Variants in CDK17 observed in about 807,000 individuals in gnomAD.
CDK17 encodes the protein cyclin-dependent kinase 17.
CDK17 carries 24 observed loss-of-function variants against 77.6 expected under a neutral mutation model. The ratio of observed to expected loss-of-function variants is 0.31; its 90% CI spans 0.22 to 0.44. The LOEUF is 0.44. Ranked by LOEUF, CDK17 falls within the 20% of genes least tolerant of loss-of-function variation. CDK17 has a pLI of 1.00. For synonymous variants in CDK17, 203 were observed against 210.4 expected, an observed-to-expected ratio of 0.96 and a Z score of 0.30; for missense variants, 429 against 622.5, an observed-to-expected ratio of 0.69 and a Z score of 3.31.
chr12:96,319,913 C>T (rs555620005), intron 3 of CDK17, among the ~76,000 whole-genome samples: 38 of 147,842 alleles, frequency 2.6e-4, no homozygotes, highest in African/African-American at 8.1e-4. Flanking sequence ...CTTCTCTCAC[C>T]GCTCCTATTC....
chr12:96,297,733 A>G lies in CDK17; in HGVS notation c.716-12T>C. 7.0e-7 allele frequency: 1 copy of G among 1,424,452 alleles called. No homozygotes were observed. The highest frequency in any genetic ancestry group is 9.8e-7 in the Non-Finnish European group (1 of 1,017,010). The allele number at this position is 1,424,452 out of a possible 1,614,324, so 88.2% of individuals were successfully genotyped here. A position where few individuals can be genotyped will look rare whatever the true frequency, so the allele number is the denominator to read the frequency against. Reference sequence around the variant, plus strand: ...CTTTAATAGTGAAACTGCAAAACAGAAAAAGAAAATTGTTTAGTCTGTGGC... The same window carrying G: ...CTTTAATAGTGAAACTGCAAAACAGGAAAAGAAAATTGTTTAGTCTGTGGC... On this transcript the variant is annotated splice_polypyrimidine_tract_variant and intron_variant, in intron 7 of 16. Transcript: ENST00000261211.
intron 1 of CDK17, among the ~76,000 whole-genome samples, chr12:96,384,403 T>G (rs973316696): frequency 6.6e-6 from 1 of 152,224 alleles, no homozygotes; most frequent in African/African-American, 2.4e-5. Context: ...ATCCCATTAC[T>G]GGGTATATAC....
chr12:96,366,430 C>T (rs1953583623), intron 1 of CDK17, among the ~76,000 whole-genome samples: 4 of 152,084 alleles, frequency 2.6e-5, no homozygotes, highest in Admixed American at 1.3e-4. Flanking sequence ...AAATCACAGC[C>T]GCTATCATAT....
At chr12:96,347,610 GGGGAAGGGAGGGGAA>G (rs1232122523) in intron 1 of CDK17, among the ~76,000 whole-genome samples, 3 of 35,612 alleles carry the variant, frequency 8.4e-5, no homozygotes, top group East Asian at 1.3e-3. Context: ...GGGGAAGGGA[GGGGAAGGGAGGGGAA>G]GGGAGGGGAG....
At chr12:96,365,949 G>A (rs1953577064) in intron 1 of CDK17, among the ~76,000 whole-genome samples, 2 of 152,146 alleles carry the variant, frequency 1.3e-5, no homozygotes, top group Non-Finnish European at 2.9e-5. Context: ...ACTTCTACAG[G>A]AGACCTATAA....
At position 96,279,158 on chromosome 12, in the gene CDK17, T is replaced by C. The variant is rs1245624032; in HGVS notation, c.*1084A>G. 6.6e-6 allele frequency: 1 copy of C among 152,352 alleles called. No homozygotes were observed. The highest frequency in any genetic ancestry group is 1.9e-4 in the East Asian group (1 of 5,196). The allele number at this position is 152,352 out of a possible 1,614,324, so 9.4% of individuals were successfully genotyped here. A position where few individuals can be genotyped will look rare whatever the true frequency, so the allele number is the denominator to read the frequency against. Reference sequence around the variant, plus strand: ...TTATGATGTTCAAAGAGATGCATAATTAAAACTAATATTTAGTATCTCTGG... The same window carrying C: ...TTATGATGTTCAAAGAGATGCATAACTAAAACTAATATTTAGTATCTCTGG... On this transcript the variant is annotated 3_prime_UTR_variant, in exon 17 of 17. Coordinates refer to ENST00000261211, the MANE Select transcript of CDK17 (RefSeq NM_002595.5).
chr12:96,352,585 C>A (rs999613100), intron 1 of CDK17, among the ~76,000 whole-genome samples: 3 of 152,154 alleles, frequency 2.0e-5, no homozygotes, highest in Non-Finnish European at 4.4e-5. Context: ...CCTGCCTTCA[C>A]AACATCTGAT....
intron 1 of CDK17, among the ~76,000 whole-genome samples, chr12:96,392,902 T>C (rs943344408): frequency 5.1e-4 from 77 of 152,348 alleles, no homozygotes; most frequent in Non-Finnish European, 2.9e-5. Flanking sequence ...ATTGCTGTTA[T>C]CTTATATGTT....
chr12:96,283,255 G>T (rs575137120), intron 14 of CDK17, among the ~76,000 whole-genome samples: 2 of 152,230 alleles, frequency 1.3e-5, no homozygotes, highest in African/African-American at 4.8e-5. Context: ...CTGCTTTGGA[G>T]GGAAATATGA....
intron 2 of CDK17, among the ~76,000 whole-genome samples, chr12:96,328,839 T>C (rs1263360611): frequency 2.0e-5 from 3 of 151,892 alleles, no homozygotes; most frequent in East Asian, 1.9e-4. Context: ...AATTGTAGGG[T>C]TGGAGGAGGT....
intron 1 of CDK17, among the ~76,000 whole-genome samples, chr12:96,373,463 A>G (rs1953725685): frequency 6.6e-6 from 1 of 151,884 alleles, no homozygotes; most frequent in South Asian, 2.1e-4. Flanking sequence ...GCGTGGTGGC[A>G]GGCACCTGTA....
chr12:96,364,645 T>A (rs1349065692), intron 1 of CDK17, among the ~76,000 whole-genome samples: 1 of 152,184 alleles, frequency 6.6e-6, no homozygotes, highest in Non-Finnish European at 1.5e-5. Context: ...ATATCCTCCT[T>A]ACAACAACCA....
At chr12:96,318,667 A>G (rs1441280998) in intron 3 of CDK17, among the ~76,000 whole-genome samples, 5 of 145,716 alleles carry the variant, frequency 3.4e-5, no homozygotes, top group African/African-American at 1.3e-4. Flanking sequence ...GCTCAACTAC[A>G]TGGAAACTGA....
At chr12:96,322,211 G>A (rs1280610720) in intron 3 of CDK17, among the ~76,000 whole-genome samples, 1 of 152,162 alleles carries the variant, frequency 6.6e-6, no homozygotes, top group African/African-American at 2.4e-5. Context: ...AAGGGGGGAA[G>A]AGGGATATCT....
At chr12:96,393,899 A>G (rs1440072157) in intron 1 of CDK17, among the ~76,000 whole-genome samples, 1 of 152,224 alleles carries the variant, frequency 6.6e-6, no homozygotes, top group African/African-American at 2.4e-5. Context: ...AATTTAAAGA[A>G]GAGCAAGTCT....
intron 1 of CDK17, among the ~76,000 whole-genome samples, chr12:96,376,191 A>C (rs1953779665): frequency 6.6e-6 from 1 of 152,200 alleles, no homozygotes. Context: ...GGAACTTCCC[A>C]AAAAACCCAT....
intron 4 of CDK17, among the ~76,000 whole-genome samples, chr12:96,313,042 C>T (rs1952664443): frequency 6.6e-6 from 1 of 152,090 alleles, no homozygotes; most frequent in Non-Finnish European, 1.5e-5. Context: ...TTCACTTCTC[C>T]TTAATGGATA....
chr12:96,291,885 T>C (rs1952329159), intron 10 of CDK17, among the ~76,000 whole-genome samples: 1 of 152,032 alleles, frequency 6.6e-6, no homozygotes, highest in South Asian at 2.1e-4. Flanking sequence ...TCCTGAAGTA[T>C]TTCTCTTCAC....
At chr12:96,366,557 A>AT (rs1953585777) in intron 1 of CDK17, among the ~76,000 whole-genome samples, 1 of 152,174 alleles carries the variant, frequency 6.6e-6, no homozygotes, top group Admixed American at 6.5e-5. Context: ...ACTGTCCCAA[A>AT]TTTTTTAAAA....
Sources: allele counts gnomAD v4.1 joint callset (sites outside exome capture counted in the v4.1 genomes callset), GRCh38; gene constraint gnomAD v4.1.1; transcripts MANE v1.5; gene names NCBI Gene and HGNC (gene_info 2026-07-23, HGNC 2026-07-21).